MX1: variants seen among roughly 807,000 people sequenced by gnomAD.
MX1 encodes the protein interferon-induced GTP-binding protein Mx1.
Under a neutral mutation model 66.4 loss-of-function variants are expected in MX1, and 66 were observed. That is an observed-to-expected ratio of 0.99 (90% CI 0.82 to 1.22). The LOEUF (loss-of-function observed/expected upper bound fraction) is 1.22. Among genes scored for constraint, MX1 ranks in the 50% most tolerant of loss-of-function variants. The pLI is 0.00. For missense variants in MX1, 787 were observed against 834.3 expected (o/e 0.94, Z 0.70); for synonymous variants, 311 against 318.1 (o/e 0.98, Z 0.24).
In MX1 at chr21:41,459,143, T is replaced by C. The variant is rs1334641833; in HGVS notation, c.*385T>C. The C allele has an allele frequency of 1.1e-5, 3 of 264,222 alleles. No individual in the cohort carries two copies. The highest frequency in any genetic ancestry group is 7.2e-6 in the Non-Finnish European group (1 of 138,066). 16.4% of individuals were successfully genotyped at this position (264,222 alleles called of 1,614,324 possible). A position where few individuals can be genotyped will look rare whatever the true frequency, so the allele number is the denominator to read the frequency against. On this transcript the variant is annotated 3_prime_UTR_variant, in exon 17 of 17. Coordinates refer to ENST00000398598, the MANE Select transcript of MX1 (RefSeq NM_002462.5). ...TCACAAACCCAGTGTTTTAGGAGCA[T>C]GAGTGCCGTGTGTGTGCGTCCTGTC...
At chr21:41,425,698 AG>A (rs1490557054), upstream of MX1, among the ~76,000 whole-genome samples, 38 of 152,266 alleles carry the variant, frequency 2.5e-4, no homozygotes, top group Admixed American at 2.2e-3. Context: ...GCCAGACTCC[AG>A]GGAGGCCTAG....
intron 16 of MX1, among the ~76,000 whole-genome samples, chr21:41,453,774 A>T (rs2090892338): frequency 1.3e-5 from 2 of 152,190 alleles, no homozygotes; most frequent in Admixed American, 6.5e-5. Flanking sequence ...CCCTCCCTAA[A>T]GAGGCAGGAC....
chr21:41,435,162 T>C (rs2090324971), intron 5 of MX1, among the ~76,000 whole-genome samples: 1 of 152,226 alleles, frequency 6.6e-6, no homozygotes, highest in African/African-American at 2.4e-5. Context: ...CTGCTCACAC[T>C]GTATCATTCT....
Position 41,446,072 on chromosome 21 carries a change from C to A in MX1, c.1204C>A (p.Arg402=). ...GGAAACTGTAGGGGAGGAAGACATTCGGCTGTTTACCAGACTCCGACACGA... is the reference window on the plus strand; with the variant it reads ...GGAAACTGTAGGGGAGGAAGACATTAGGCTGTTTACCAGACTCCGACACGA... The part of the protein sequence containing the change: ...GEETVGEEDI[R]LFTRLRHEFH... The change falls in exon 13 of 17, where the codon CGG becomes AGG. Residue 402 remains arginine (R), a synonymous_variant. Coordinates refer to ENST00000398598, the MANE Select transcript of MX1 (RefSeq NM_002462.5). 6.2e-7 allele frequency: 1 copy of A among 1,614,144 alleles called. No homozygotes were observed. The highest frequency in any genetic ancestry group is 1.6e-4 in the Middle Eastern group (1 of 6,062).
chr21:41,449,411 A>AAAG, intron 14 of MX1, 116 bp downstream of exon 14: 1 of 1,013,154 alleles, frequency 9.9e-7, no homozygotes, highest in Admixed American at 2.8e-5. Context: ...ACCAACGAGC[A>AAAG]AACCTCTCAT....
At chr21:41,454,329 AACCCCTGCCTC>A (rs1555888504) in intron 16 of MX1, among the ~76,000 whole-genome samples, 1 of 152,172 alleles carries the variant, frequency 6.6e-6, no homozygotes, top group Non-Finnish European at 1.5e-5. Flanking sequence ...TGTGTGACTT[AACCCCTGCCTC>A]ACATGACTTT....
In MX1 at chr21:41,458,857, G is replaced by A; in HGVS notation, c.*99G>A. Reference sequence around the variant, plus strand: ...GACTTGAGTGCTCAGTAGTCAGACTGGATAGTCCGTCTCTGCTTATCCGTT... The same window carrying A: ...GACTTGAGTGCTCAGTAGTCAGACTAGATAGTCCGTCTCTGCTTATCCGTT... On this transcript the variant is annotated 3_prime_UTR_variant, in exon 17 of 17. Transcript: ENST00000398598. 1.3e-6 allele frequency: 2 copies of A among 1,488,062 alleles called. No individual in the cohort carries two copies. Among genetic ancestry groups the A allele is most frequent in the African/African-American group, 1.4e-5 (1 of 72,216 alleles). 92.2% of individuals were successfully genotyped at this position (1,488,062 alleles called of 1,614,324 possible). A position where few individuals can be genotyped will look rare whatever the true frequency, so the allele number is the denominator to read the frequency against.
At chr21:41,432,278 C>T in intron 5 of MX1, 103 bp downstream of exon 5, 2 of 998,350 alleles carry the variant, frequency 2.0e-6, no homozygotes, top group South Asian at 2.7e-5. Flanking sequence ...TATGCCTGCT[C>T]TCTCGCCTCT....
At chr21:41,442,811 A>G (rs1414674933) in intron 10 of MX1, 1 of 152,268 alleles carries the variant, frequency 6.6e-6, no homozygotes, top group Non-Finnish European at 1.5e-5. Flanking sequence ...ATGCTACAAC[A>G]TGGATGAAGC....
intron 11 of MX1, among the ~76,000 whole-genome samples, chr21:41,444,325 T>C (rs1224425331): frequency 8.1e-6 from 1 of 123,386 alleles, no homozygotes; most frequent in Non-Finnish European, 1.7e-5. Flanking sequence ...TTTCTTTTTT[T>C]TTTTTTTTTT....
intron 5 of MX1, 99 bp from the exon 6 acceptor site, chr21:41,435,738 T>C: frequency 7.5e-7 from 1 of 1,333,640 alleles, no homozygotes; most frequent in Non-Finnish European, 1.0e-6. Context: ...TTATGGGGAT[T>C]ACAATTCGAG....
chr21:41,437,072 A>G lies in MX1; in HGVS notation c.356A>G (p.Lys119Arg), dbSNP rs1247031066. Residue 119 changes from lysine to arginine, a missense_variant, in exon 7 of 17, where the codon AAG becomes AGG. Physicochemically the swap from Lys to Arg is conservative, Grantham distance 26 (BLOSUM62 2). Transcript: ENST00000398598. ...LKLKKLVNED[K>R]WRGKVSYQDY... ...CTGAAGAAACTTGTGAACGAAGATA[A>G]GTGGAGAGGCAAGGTCAGTTACCAG... is the stretch of plus-strand genomic sequence containing the variant. The G allele has an allele frequency of 1.2e-6, 2 of 1,613,898 alleles. No homozygotes were observed. The highest frequency in any genetic ancestry group is 1.7e-6 in the Non-Finnish European group (2 of 1,179,930).
At chr21:41,447,271 A>G (rs1257478523) in intron 13 of MX1, among the ~76,000 whole-genome samples, 1 of 152,126 alleles carries the variant, frequency 6.6e-6, no homozygotes, top group Non-Finnish European at 1.5e-5. Flanking sequence ...CACTAGGCAG[A>G]TGGGATGAGG....
intron 5 of MX1, among the ~76,000 whole-genome samples, chr21:41,432,414 G>A (rs2090245245): frequency 6.6e-6 from 1 of 152,210 alleles, no homozygotes; most frequent in African/African-American, 2.4e-5. Flanking sequence ...GCTGTCGATG[G>A]GTTCAGCTCA....
Position 41,452,803 on chromosome 21 carries a change from C to T in MX1, c.1692C>T (p.Phe564=), listed in dbSNP as rs117998041. The T allele has an allele frequency of 3.1e-3, 5,080 of 1,614,140 alleles. 18 individuals are homozygous for T. The highest frequency in any genetic ancestry group is 4.1e-3 in the Middle Eastern group (25 of 6,062). ...KKKKSWDFGA[F]QSSSATDSSM... ...AGAAATCCTGGGATTTTGGGGCTTT[C>T]CAGTCCAGCTCGGCAACAGACTCTT... The change falls in exon 16 of 17, where the codon TTC becomes TTT. Residue 564 remains phenylalanine (F), a synonymous_variant. Transcript: ENST00000398598.
intron 11 of MX1, among the ~76,000 whole-genome samples, chr21:41,444,517 G>A (rs1266009788): frequency 1.3e-5 from 2 of 151,536 alleles, no homozygotes; most frequent in Non-Finnish European, 2.9e-5. Context: ...AGTAGAGACA[G>A]GGTTTCACCA....
intron 6 of MX1, 151 bp downstream of exon 6, chr21:41,436,180 A>C: frequency 8.7e-6 from 8 of 923,876 alleles, no homozygotes; most frequent in Non-Finnish European, 1.3e-5. Context: ...GCCTTTCTCC[A>C]TGGCTTGCAG....
chr21:41,441,067 G>GAGCCCGCCTGTGCTCGATGAGAATGGGGA lies in MX1; in HGVS notation c.730+58_730+59insATGAGAATGGGGAAGCCCGCCTGTGCTCG, dbSNP rs1156360926. Reference sequence around the variant, plus strand: ...CCCACTGTGCTCAGTGAGAATGGGGGAGCCCGCCTGTGCTCGGTGAGAATG... The same window carrying GAGCCCGCCTGTGCTCGATGAGAATGGGGA: ...CCCACTGTGCTCAGTGAGAATGGGGGAGCCCGCCTGTGCTCGATGAGAATGGGGAAGCCCGCCTGTGCTCGGTGAGAATG... On this transcript the variant is annotated intron_variant, in intron 9 of 16. Coordinates refer to ENST00000398598, the MANE Select transcript of MX1 (RefSeq NM_002462.5). The surrounding 1 kb of genome is among the most constrained non-coding windows in gnomAD (Gnocchi z 4.0). 1.3e-6 allele frequency: 2 copies of GAGCCCGCCTGTGCTCGATGAGAATGGGGA among 1,514,144 alleles called. No individual in the cohort carries two copies. Among genetic ancestry groups the GAGCCCGCCTGTGCTCGATGAGAATGGGGA allele is most frequent in the Non-Finnish European group, 1.8e-6 (2 of 1,103,854 alleles). 93.8% of individuals were successfully genotyped at this position (1,514,144 alleles called of 1,614,324 possible).
intron 5 of MX1, 54 bp downstream of exon 5, chr21:41,432,229 A>G: frequency 6.5e-7 from 1 of 1,543,152 alleles, no homozygotes; most frequent in Non-Finnish European, 8.9e-7. Flanking sequence ...TGCCCATTCG[A>G]GGCTGCCCTT....
Sources: gnomAD v4.1 joint callset for allele counts (sites outside exome capture counted in the v4.1 genomes callset) on GRCh38, gnomAD v4.1.1 for gene constraint, Gnocchi (gnomAD v3.1) non-coding constraint, MANE v1.5 for transcripts, NCBI Gene and HGNC (gene_info 2026-07-23, HGNC 2026-07-21) for gene names.